FTSJ3: variants seen among roughly 807,000 people sequenced by gnomAD.
The protein encoded by FTSJ3 is pre-rRNA 2'-O-ribose RNA methyltransferase FTSJ3.
Under a neutral mutation model 111.5 loss-of-function variants are expected in FTSJ3, and 46 were observed. That is an observed-to-expected ratio of 0.41 (90% CI 0.33 to 0.53). FTSJ3 has a LOEUF of 0.53. FTSJ3 is among the 20% of genes least tolerant of loss of function. FTSJ3 has a pLI of 0.19. For missense variants in FTSJ3, 1,075 were observed against 1,063.8 expected, an observed-to-expected ratio of 1.01 and a Z score of -0.15; for synonymous variants, 408 against 383.0, an observed-to-expected ratio of 1.07 and a Z score of -0.76.
At position 63,824,231 on chromosome 17, in the gene FTSJ3, G is replaced by A. The variant is rs2040076770; in HGVS notation, c.1007C>T (p.Ser336Phe). The A allele has an allele frequency of 3.7e-6, 6 of 1,614,046 alleles. No individual in the cohort carries two copies. Among genetic ancestry groups the A allele is most frequent in the Non-Finnish European group, 5.1e-6 (6 of 1,180,030 alleles). ...CTCATCACCTTCATCTTCCTCTCCA[G>A]AGCTGAGGCTGGCAAAACAGTCCCA... ...QAKALDISLS[S>F]GEEDEGDEED... The change falls in exon 12 of 21, where the codon TCT (serine) becomes TTT (phenylalanine). Residue 336 changes from serine to phenylalanine, a missense_variant. This residue lies in a region of FTSJ3 where 867 missense variants were observed against 796.9 expected (regional missense o/e 1.09). Coordinates refer to ENST00000427159, the MANE Select transcript of FTSJ3 (RefSeq NM_017647.4).
chr17:63,820,065 T>C lies in FTSJ3; in HGVS notation c.2351+14A>G. ...CTTTTAGCCCTGTGTACCTTTGTGG[T>C]GTCCTCCCATTACCTTCGCAGCTGT... On this transcript the variant is annotated intron_variant, in intron 20 of 20. Transcript: ENST00000427159. 1.2e-6 allele frequency: 2 copies of C among 1,614,098 alleles called. No individual in the cohort carries two copies. Among genetic ancestry groups the C allele is most frequent in the Middle Eastern group, 1.6e-4 (1 of 6,062 alleles).
Position 63,821,641 on chromosome 17 carries a change from G to A in FTSJ3, c.1599C>T (p.Gly533=). Reference sequence around the variant, plus strand: ...CATCGTCCTCGATCCCAGCAAAGCTGCCCTGTGATAGGAGAACATCAGCTG... The same window carrying A: ...CATCGTCCTCGATCCCAGCAAAGCTACCCTGTGATAGGAGAACATCAGCTG... ...EEQANLWFSK[G]SFAGIEDDAD... Residue 533 remains glycine, a splice_region_variant and synonymous_variant, in exon 16 of 21, where the codon GGC becomes GGT. Transcript: ENST00000427159. The A allele has an allele frequency of 6.2e-7, 1 of 1,613,374 alleles. No homozygotes were observed. The highest frequency in any genetic ancestry group is 8.5e-7 in the Non-Finnish European group (1 of 1,179,392).
In FTSJ3 at chr17:63,821,616, C is replaced by T. The variant is rs1718812616; in HGVS notation, c.1624G>A (p.Ala542Thr). The change falls in exon 16 of 21, where the codon GCC (alanine) becomes ACC (threonine). Residue 542 changes from alanine (A) to threonine (T), a missense_variant. This residue lies in a region of FTSJ3 where 867 missense variants were observed against 796.9 expected (regional missense o/e 1.09). Coordinates refer to ENST00000427159, the MANE Select transcript of FTSJ3 (RefSeq NM_017647.4). ...TGACTGATCTCCAGGGCCTCATCGG[C>T]ATCGTCCTCGATCCCAGCAAAGCTG... ...KGSFAGIEDD[A>T]DEALEISQAQ... 1 of 1,613,288 alleles carries T rather than the reference C, an allele frequency of 6.2e-7. No individual in the cohort carries two copies. The highest frequency in any genetic ancestry group is 1.3e-5 in the African/African-American group (1 of 74,898).
At chr17:63,824,002 A>G (rs750416118) in intron 12 of FTSJ3, 50 bp from the exon 13 acceptor site, 1 of 1,613,614 alleles carries the variant, frequency 6.2e-7, no homozygotes, top group African/African-American at 1.3e-5. Context: ...CAAAGTTTCT[A>G]TCCATGCCTT....
At chr17:63,824,276 A>G in intron 11 of FTSJ3, 37 bp from the exon 12 acceptor site, 1 of 1,614,086 alleles carries the variant, frequency 6.2e-7, no homozygotes, top group South Asian at 1.1e-5. Context: ...TTATTTTCCC[A>G]GACTTTTCCC....
At chr17:63,826,187 A>G (rs1273827108) in intron 4 of FTSJ3, 52 bp from the exon 5 acceptor site, 2 of 1,609,340 alleles carry the variant, frequency 1.2e-6, no homozygotes, top group East Asian at 2.2e-5. Context: ...AGCAGGGAGG[A>G]GAGAAATACA....
intron 2 of FTSJ3, 71 bp from the exon 3 acceptor site, chr17:63,826,743 C>T: frequency 2.6e-6 from 4 of 1,554,484 alleles, no homozygotes; most frequent in Middle Eastern, 1.7e-4. Context: ...CCGACCACCC[C>T]TTCTGCAGGA....
chr17:63,821,522 G>T lies in FTSJ3; in HGVS notation c.1718C>A (p.Thr573Lys), dbSNP rs2040051479. 1 of 1,614,012 alleles carries T rather than the reference G, an allele frequency of 6.2e-7. No individual in the cohort carries two copies. The highest frequency in any genetic ancestry group is 1.7e-5 in the Admixed American group (1 of 60,010). Residue 573 changes from threonine to lysine, a missense_variant, in exon 16 of 21, where the codon ACA (threonine) becomes AAA (lysine). By Grantham distance (78) the Thr-to-Lys change is moderately conservative (BLOSUM62 -1). Transcript: ENST00000427159. ...CTCAGTCTTCAAACAGGAAGGGGGT[G>T]TCTGTGGCAGCTGCTGCTTCTGCTG... is the stretch of plus-strand genomic sequence containing the variant. The part of the protein sequence containing the change: ...QQQQKQQLPQ[T>K]PPSCLKTEIM...
Position 63,820,072 on chromosome 17 carries a change from C to G in FTSJ3, c.2351+7G>C. 1 of 1,614,086 alleles carries G rather than the reference C, an allele frequency of 6.2e-7. No individual in the cohort carries two copies. The highest frequency in any genetic ancestry group is 8.5e-7 in the Non-Finnish European group (1 of 1,179,982). On this transcript the variant is annotated splice_region_variant and intron_variant, in intron 20 of 20. Coordinates refer to ENST00000427159, the MANE Select transcript of FTSJ3 (RefSeq NM_017647.4). Reference sequence around the variant, plus strand: ...CCCTGTGTACCTTTGTGGTGTCCTCCCATTACCTTCGCAGCTGTGCCACTT... The same window carrying G: ...CCCTGTGTACCTTTGTGGTGTCCTCGCATTACCTTCGCAGCTGTGCCACTT...
rs1002923338 is a variant in FTSJ3 at position 63,822,318 on chromosome 17, G to C, written c.1291-150C>G. On this transcript the variant is annotated intron_variant, in intron 13 of 20. Coordinates refer to ENST00000427159, the MANE Select transcript of FTSJ3 (RefSeq NM_017647.4). ...TCACAGATGGGAAAGCTCAGATCCA[G>C]GGTAGTGAATGGCCTGTTTACAACA... 40 of 659,878 alleles carry C rather than the reference G, an allele frequency of 6.1e-5. No individual in the cohort carries two copies. In the Middle Eastern group the frequency reaches 2.5e-3, roughly 41 times the overall value. 40.9% of individuals were successfully genotyped at this position (659,878 alleles called of 1,614,324 possible). A position where few individuals can be genotyped will look rare whatever the true frequency, so the allele number is the denominator to read the frequency against.
At position 63,819,902 on chromosome 17, in the gene FTSJ3, G is replaced by A. The variant is rs750995958; in HGVS notation, c.2444C>T (p.Ala815Val). 4.3e-6 allele frequency: 7 copies of A among 1,614,052 alleles called. No individual in the cohort carries two copies. In the South Asian group the frequency reaches 6.6e-5, roughly 15 times the overall value. ...CACCTTGAAATGACCTCTGACTCCA[G>A]CTGGCCGGCGCACTTTGCGGCCCAC... ...KGVGRKVRRPAGVRGHFKVVD... is the reference protein window; with the variant it reads ...KGVGRKVRRPVGVRGHFKVVD... The change falls in exon 21 of 21, where the codon GCT (alanine) becomes GTT (valine). Residue 815 changes from alanine (A) to valine (V), a missense_variant. Coordinates refer to ENST00000427159, the MANE Select transcript of FTSJ3 (RefSeq NM_017647.4).
chr17:63,826,373 T>A (rs2040104090), intron 3 of FTSJ3, 69 bp from the exon 4 acceptor site: 1 of 1,461,362 alleles, frequency 6.8e-7, no homozygotes, highest in African/African-American at 1.4e-5. Context: ...TGATCTCTCA[T>A]CCCTGGTGTT....
chr17:63,823,959 G>T lies in FTSJ3; in HGVS notation c.1155-7C>A, dbSNP rs190604882. ...CAACAGCTTCTTTTTCTTCCTGAGG[G>T]GGTGGATTGAGGGAGTAAAACCGGC... is the stretch of plus-strand genomic sequence containing the variant. On this transcript the variant is annotated splice_region_variant and splice_polypyrimidine_tract_variant and intron_variant, in intron 12 of 20. Coordinates refer to ENST00000427159, the MANE Select transcript of FTSJ3 (RefSeq NM_017647.4). 9.4e-5 allele frequency: 151 copies of T among 1,614,142 alleles called. No homozygotes were observed. In the African/African-American group the frequency reaches 1.9e-3, roughly 20 times the overall value.
In FTSJ3 at chr17:63,827,593, G is replaced by C. The variant is rs1379765383; in HGVS notation, c.-568C>G. On this transcript the variant is annotated 5_prime_UTR_variant, in exon 1 of 21. Coordinates refer to ENST00000427159, the MANE Select transcript of FTSJ3 (RefSeq NM_017647.4). ...GCGTGATCTGAGTGGAGAGCGGGCC[G>C]GGGCAGGAGCGTCGGGTGGGTCGGA... 6.4e-7 allele frequency: 1 copy of C among 1,550,388 alleles called. No individual in the cohort carries two copies. Among genetic ancestry groups the C allele is most frequent in the Non-Finnish European group, 8.7e-7 (1 of 1,146,526 alleles).
Position 63,822,171 on chromosome 17 carries a change from G to T in FTSJ3, c.1291-3C>A. 6.2e-7 allele frequency: 1 copy of T among 1,612,170 alleles called. No homozygotes were observed. Among genetic ancestry groups the T allele is most frequent in the South Asian group, 1.1e-5 (1 of 90,786 alleles). ...CCTTGTGTTACTTCCTCTAATAACT[G>T]AAGTGTAACAGAAACAAAGGTAAAC... On this transcript the variant is annotated splice_polypyrimidine_tract_variant and splice_region_variant and intron_variant, in intron 13 of 20. Transcript: ENST00000427159.
Position 63,819,630 on chromosome 17 carries a change from ATCC to A in FTSJ3, c.*169_*171del, listed in dbSNP as rs1487838762. The A allele has an allele frequency of 6.5e-6, 4 of 615,554 alleles. No individual in the cohort carries two copies. The highest frequency in any genetic ancestry group is 2.1e-5 in the South Asian group (1 of 46,806). The allele number at this position is 615,554 out of a possible 1,614,324, so 38.1% of individuals were successfully genotyped here. A position where few individuals can be genotyped will look rare whatever the true frequency, so the allele number is the denominator to read the frequency against. On this transcript the variant is annotated 3_prime_UTR_variant, in exon 21 of 21. Transcript: ENST00000427159. The stretch of plus-strand genomic sequence containing the variant: ...GAGACCTTCAGGCAGGCAGGAGGAC[ATCC>A]TCCTCTCTGCTCAGGACCACCACGG...
chr17:63,825,664 C>T lies in FTSJ3; in HGVS notation c.301-29G>A, dbSNP rs1288673914. On this transcript the variant is annotated intron_variant, in intron 5 of 20. Coordinates refer to ENST00000427159, the MANE Select transcript of FTSJ3 (RefSeq NM_017647.4). Reference sequence around the variant, plus strand: ...AAGAGAAGAAAAGGAACTATGGAAACAGAAACACTGGAATGGCCCTGGTTC... The same window carrying T: ...AAGAGAAGAAAAGGAACTATGGAAATAGAAACACTGGAATGGCCCTGGTTC... 19 of 1,581,754 alleles carry T rather than the reference C, an allele frequency of 1.2e-5. No homozygotes were observed. The African/African-American group carries it at 2.0e-4, about 17-fold the overall frequency.
rs781520729 is a variant in FTSJ3, at chr17:63,820,947, G to C, written c.1973-9C>G. ...CAGTATCCGATGTTTCGCTAGAGAG[G>C]GAAGGAGAAAGGTCAAAGCTCAATT... On this transcript the variant is annotated splice_polypyrimidine_tract_variant and intron_variant, in intron 17 of 20. Transcript: ENST00000427159. 3.7e-6 allele frequency: 6 copies of C among 1,613,386 alleles called. No homozygotes were observed. Among genetic ancestry groups the C allele is most frequent in the Non-Finnish European group, 5.1e-6 (6 of 1,179,302 alleles).
chr17:63,827,026 A>G, intron 1 of FTSJ3, 26 bp downstream of exon 1: 1 of 831,962 alleles, frequency 1.2e-6, no homozygotes, highest in Non-Finnish European at 2.0e-6. Flanking sequence ...CAGCAATTCC[A>G]CCCCGCGCCC....
Sources: gnomAD v4.1 joint callset for allele counts on GRCh38, gnomAD v4.1.1 for gene constraint, gnomAD v4.1.1 regional missense constraint, MANE v1.5 for transcripts, NCBI Gene and HGNC (gene_info 2026-07-23, HGNC 2026-07-21) for gene names.